MAPK10: variants seen among roughly 807,000 people sequenced by gnomAD.
The protein encoded by MAPK10 is JNK3 alpha protein kinase.
Under a neutral mutation model 59.3 loss-of-function variants are expected in MAPK10, and 25 were observed. The ratio of observed to expected loss-of-function variants is 0.42; its 90% CI spans 0.31 to 0.59. The LOEUF (loss-of-function observed/expected upper bound fraction) is 0.59. Among genes scored for constraint, MAPK10 ranks in the 20% least tolerant of loss-of-function variants. The pLI is 0.15. For missense variants in MAPK10, 351 were observed against 568.9 expected (o/e 0.62, Z 3.90); for synonymous variants, 190 against 200.5 (o/e 0.95, Z 0.44).
intron 9 of MAPK10, chr4:86,079,807 G>A (rs1370885500): frequency 6.6e-6 from 1 of 150,636 alleles, no homozygotes; most frequent in Non-Finnish European, 1.5e-5. Context: ...TACAATGGAA[G>A]TTAAGAAGAG....
At chr4:86,509,667 C>A (rs1031146404) in intron 1 of MAPK10, among the ~76,000 whole-genome samples, 1 of 152,074 alleles carries the variant, frequency 6.6e-6, no homozygotes, top group Non-Finnish European at 1.5e-5. Flanking sequence ...TCATTTAAAA[C>A]TGGAAAAAAA....
chr4:86,255,685 CA>C (rs2093676745), intron 2 of MAPK10, among the ~76,000 whole-genome samples: 2 of 140,860 alleles, frequency 1.4e-5, no homozygotes, highest in African/African-American at 5.1e-5. Context: ...AAAAGTTTAT[CA>C]AAAGCAAATT....
chr4:86,277,744 T>G (rs763684844), intron 2 of MAPK10, among the ~76,000 whole-genome samples: 1 of 152,142 alleles, frequency 6.6e-6, no homozygotes, highest in African/African-American at 2.4e-5. Flanking sequence ...ATTGGCTTAT[T>G]ATGAGTATGT....
At chr4:86,299,784 C>T (rs999456893) in intron 2 of MAPK10, among the ~76,000 whole-genome samples, 3 of 152,270 alleles carry the variant, frequency 2.0e-5, no homozygotes, top group Non-Finnish European at 2.9e-5. Flanking sequence ...TATTTGAGAG[C>T]AGAAACACTT....
intron 2 of MAPK10, among the ~76,000 whole-genome samples, chr4:86,229,688 C>T (rs540548438): frequency 1.7e-4 from 25 of 150,954 alleles, no homozygotes; most frequent in African/African-American, 6.2e-4. Context: ...TTATTTTTTA[C>T]TCTCTAACTA....
chr4:86,135,650 T>G lies in MAPK10; in HGVS notation c.236+23648A>C, dbSNP rs377147695. 5.9e-5 allele frequency among the ~76,000 whole-genome samples: 9 copies of G among 152,260 alleles called. No homozygotes were observed. The East Asian group carries it at 9.6e-4, about 16-fold the overall frequency. ...AGCGCCTCTCCTCCTCCAAAGGAACTCAGTTCCTCACCAGCAACGGAACAA... is the reference window on the plus strand; with the variant it reads ...AGCGCCTCTCCTCCTCCAAAGGAACGCAGTTCCTCACCAGCAACGGAACAA... On this transcript the variant is annotated intron_variant, in intron 4 of 13. Transcript: ENST00000641462.
chr4:86,319,491 A>G (rs1442545278), intron 2 of MAPK10, among the ~76,000 whole-genome samples: 3 of 152,216 alleles, frequency 2.0e-5, no homozygotes, highest in Non-Finnish European at 4.4e-5. Flanking sequence ...GAAGCAGTGC[A>G]ATCACATGAT....
intron 1 of MAPK10, chr4:86,452,885 AG>A (rs940127920): frequency 8.5e-5 from 13 of 152,148 alleles, no homozygotes; most frequent in Non-Finnish European, 1.3e-4. Context: ...GACCCTCTAA[AG>A]GGTCCTGCAG....
At chr4:86,396,051 A>G (rs889308289) in intron 1 of MAPK10, among the ~76,000 whole-genome samples, 3 of 152,184 alleles carry the variant, frequency 2.0e-5, no homozygotes, top group African/African-American at 7.2e-5. Context: ...GAACCTAAGA[A>G]AGTAGTGTTT....
chr4:86,549,185 A>G (rs1367113412), intron 1 of MAPK10, among the ~76,000 whole-genome samples: 1 of 152,220 alleles, frequency 6.6e-6, no homozygotes, highest in Non-Finnish European at 1.5e-5. Context: ...GAAATTATCC[A>G]AAGTTTCAAT....
At chr4:86,077,023 A>C (rs1042061068) in intron 9 of MAPK10, among the ~76,000 whole-genome samples, 13 of 152,132 alleles carry the variant, frequency 8.5e-5, no homozygotes, top group African/African-American at 3.1e-4. Context: ...CATTGAATAC[A>C]AATGGAAAAA....
At chr4:86,285,223 C>T (rs1288153394) in intron 2 of MAPK10, among the ~76,000 whole-genome samples, 1 of 145,738 alleles carries the variant, frequency 6.9e-6, no homozygotes, top group African/African-American at 2.5e-5. Flanking sequence ...CTAAATGACA[C>T]TTTTTTTTTT....
chr4:86,013,852 C>T lies in MAPK10; in HGVS notation c.*3376G>A, dbSNP rs919478302. ...GTACATTCCTACAAAACTCAGTCATCAGATTCTTGAAGATGAAAGGTTATT... is the reference window on the plus strand; with the variant it reads ...GTACATTCCTACAAAACTCAGTCATTAGATTCTTGAAGATGAAAGGTTATT... On this transcript the variant is annotated 3_prime_UTR_variant, in exon 14 of 14. Coordinates refer to ENST00000641462, the MANE Select transcript of MAPK10 (RefSeq NM_138982.4). 5 of 152,170 alleles carry T rather than the reference C, an allele frequency of 3.3e-5. No homozygotes were observed. Among genetic ancestry groups the T allele is most frequent in the African/African-American group, 1.2e-4 (5 of 41,434 alleles). The allele number at this position is 152,170 out of a possible 1,614,324, so 9.4% of individuals were successfully genotyped here. A position where few individuals can be genotyped will look rare whatever the true frequency, so the allele number is the denominator to read the frequency against.
intron 1 of MAPK10, among the ~76,000 whole-genome samples, chr4:86,463,773 A>G (rs1395082792): frequency 6.6e-6 from 1 of 152,202 alleles, no homozygotes; most frequent in Non-Finnish European, 1.5e-5. Flanking sequence ...CTATCCTTAG[A>G]GGAGATCCTA....
At chr4:86,574,213 T>C (rs1157164904) in intron 1 of MAPK10, among the ~76,000 whole-genome samples, 1 of 151,794 alleles carries the variant, frequency 6.6e-6, no homozygotes, top group South Asian at 2.1e-4. Flanking sequence ...ATTTCATCCA[T>C]GTCCCTACAA....
intron 2 of MAPK10, among the ~76,000 whole-genome samples, chr4:86,310,242 G>A (rs7654907): frequency 0.26 from 39,473 of 151,852 alleles, 5,411 homozygotes; most frequent in South Asian, 0.43. Flanking sequence ...AAACCAAGCC[G>A]TGCCCCGACC....
At chr4:86,476,060 C>T (rs1753066098) in intron 1 of MAPK10, among the ~76,000 whole-genome samples, 1 of 152,144 alleles carries the variant, frequency 6.6e-6, no homozygotes, top group Non-Finnish European at 1.5e-5. Flanking sequence ...TCCGAGATGC[C>T]TGACGTCCAG....
At chr4:86,191,573 T>G (rs1335429188) in intron 3 of MAPK10, 4 of 98,884 alleles carry the variant, frequency 4.0e-5, no homozygotes, top group African/African-American at 2.0e-4. Flanking sequence ...TTTTTTTTTT[T>G]TTTTTTTTTT....
chr4:86,457,109 C>G (rs368975630), upstream of MAPK10, among the ~76,000 whole-genome samples: 30 of 150,122 alleles, frequency 2.0e-4, no homozygotes, highest in African/African-American at 5.0e-4. Context: ...ATCTAGCATC[C>G]CTTTATGATT....
Sources: allele counts gnomAD v4.1 joint callset (sites outside exome capture counted in the v4.1 genomes callset), GRCh38; gene constraint gnomAD v4.1.1; transcripts MANE v1.5; gene names NCBI Gene and HGNC (gene_info 2026-07-23, HGNC 2026-07-21).